DDAH1: variants seen among roughly 807,000 people sequenced by gnomAD.
DDAH1 encodes dimethylarginine dimethylaminohydrolase 1, also known as N(G),N(G)-dimethylarginine dimethylaminohydrolase 1.
In DDAH1, 19 loss-of-function variants were observed where a neutral mutation model predicts 28.8. That is an observed-to-expected ratio of 0.66 (90% confidence interval 0.46 to 0.97). The LOEUF is 0.97. DDAH1 is among the 50% of genes least tolerant of loss of function. The pLI is 0.00. For missense variants in DDAH1, 326 were observed against 375.9 expected (o/e 0.87, Z 1.10); for synonymous variants, 153 against 154.4 (o/e 0.99, Z 0.07).
chr1:85,438,566 A>G (rs1287413422), intron 1 of DDAH1, among the ~76,000 whole-genome samples: 1 of 152,232 alleles, frequency 6.6e-6, no homozygotes, highest in East Asian at 1.9e-4. Context: ...GTGCTGTTCA[A>G]GGGTCAACTG....
At chr1:85,461,116 A>G (rs1246129179) in intron 1 of DDAH1, among the ~76,000 whole-genome samples, 2 of 151,564 alleles carry the variant, frequency 1.3e-5, no homozygotes, top group African/African-American at 2.4e-5. Context: ...CCTGTCTCTA[A>G]AAACAAACAA....
chr1:85,453,267 C>A (rs1654745848), intron 1 of DDAH1, among the ~76,000 whole-genome samples: 1 of 152,148 alleles, frequency 6.6e-6, no homozygotes, highest in South Asian at 2.1e-4. Context: ...CAGTATTAAT[C>A]CTGCTTTTCT....
intron 1 of DDAH1, among the ~76,000 whole-genome samples, chr1:85,514,981 T>C (rs553302434): frequency 2.7e-5 from 4 of 146,422 alleles, no homozygotes. Context: ...AGGAATATCA[T>C]TGCTTCTATG....
intron 1 of DDAH1, among the ~76,000 whole-genome samples, chr1:85,446,399 T>C (rs542887240): frequency 6.6e-6 from 1 of 152,258 alleles, no homozygotes; most frequent in East Asian, 1.9e-4. Context: ...CGTGATTCAA[T>C]TACCTCTACC....
At chr1:85,531,692 A>C (rs571642410) in intron 1 of DDAH1, among the ~76,000 whole-genome samples, 67 of 147,798 alleles carry the variant, frequency 4.5e-4, no homozygotes, top group South Asian at 9.1e-4. Context: ...ATTAAATGAT[A>C]CCAGTTCCTA....
intron 1 of DDAH1, chr1:85,398,942 T>G (rs999468634): frequency 3.3e-5 from 5 of 152,186 alleles, no homozygotes; most frequent in Non-Finnish European, 7.3e-5. Flanking sequence ...TGCAACTGTT[T>G]GTTCAAATTG....
At chr1:85,414,376 A>G (rs1652790970) in intron 1 of DDAH1, among the ~76,000 whole-genome samples, 1 of 152,240 alleles carries the variant, frequency 6.6e-6, no homozygotes, top group African/African-American at 2.4e-5. Context: ...GGTCTTAAAC[A>G]TGAAAGGCAA....
intron 1 of DDAH1, among the ~76,000 whole-genome samples, chr1:85,366,334 T>C (rs1650074345): frequency 6.6e-6 from 1 of 152,210 alleles, no homozygotes; most frequent in Non-Finnish European, 1.5e-5. Context: ...GTTATAACTT[T>C]TACATGAATA....
chr1:85,445,329 C>T (rs895588470), intron 1 of DDAH1, among the ~76,000 whole-genome samples: 8 of 151,906 alleles, frequency 5.3e-5, no homozygotes, highest in African/African-American at 1.5e-4. Context: ...AACTAGGTTA[C>T]GAGGATGAAT....
intron 1 of DDAH1, among the ~76,000 whole-genome samples, chr1:85,524,955 C>A: frequency 1.4e-5 from 1 of 71,578 alleles, no homozygotes; most frequent in African/African-American, 3.6e-5. Context: ...GAATGGGCAC[C>A]TACGGAGAAA....
chr1:85,379,329 T>C (rs1048596690), intron 1 of DDAH1, among the ~76,000 whole-genome samples: 2 of 152,170 alleles, frequency 1.3e-5, no homozygotes, highest in Non-Finnish European at 2.9e-5. Flanking sequence ...CACTAAATGG[T>C]TGCAATAGCT....
At chr1:85,522,169 A>G (rs554084545) in intron 1 of DDAH1, among the ~76,000 whole-genome samples, 3 of 10,444 alleles carry the variant, frequency 2.9e-4, no homozygotes, top group African/African-American at 1.3e-3. Flanking sequence ...AAAGACTTTA[A>G]TTATTGGCAA....
chr1:85,362,755 ATAT>A lies in DDAH1; in HGVS notation c.304-3911_304-3909del, dbSNP rs550895297. On this transcript the variant is annotated intron_variant, in intron 1 of 5. Coordinates refer to ENST00000284031, the MANE Select transcript of DDAH1 (RefSeq NM_012137.4). The stretch of plus-strand genomic sequence containing the variant: ...TAAAACACCTAGCTCAGTGCCTGGC[ATAT>A]TGTGCTCAAAACTAGTAGTTGATGA... 4.9e-3 allele frequency among the ~76,000 whole-genome samples: 746 copies of A among 152,354 alleles called. 5 individuals are homozygous for A. The highest frequency in any genetic ancestry group is 8.4e-3 in the Non-Finnish European group (570 of 68,032).
intron 1 of DDAH1, among the ~76,000 whole-genome samples, chr1:85,511,921 C>G (rs867849387): frequency 3.9e-5 from 6 of 152,160 alleles, no homozygotes; most frequent in Non-Finnish European, 8.8e-5. Flanking sequence ...ACCAGAGGTA[C>G]AAAGAGGAGC....
At chr1:85,407,431 C>G (rs900070599) in intron 1 of DDAH1, among the ~76,000 whole-genome samples, 3 of 152,158 alleles carry the variant, frequency 2.0e-5, no homozygotes, top group Non-Finnish European at 4.4e-5. Flanking sequence ...GTACCCTGAC[C>G]TCTTTTAAAA....
chr1:85,439,306 G>A (rs1654084796), intron 1 of DDAH1, among the ~76,000 whole-genome samples: 1 of 152,214 alleles, frequency 6.6e-6, no homozygotes, highest in African/African-American at 2.4e-5. Context: ...AACTGTGGAA[G>A]CTAAAGAAAA....
At chr1:85,558,063 TA>T (rs113329343) in intron 1 of DDAH1, among the ~76,000 whole-genome samples, 58 of 144,310 alleles carry the variant, frequency 4.0e-4, no homozygotes, top group Admixed American at 6.2e-4. Flanking sequence ...TCCAAACCAG[TA>T]AAAAAAAAAA....
At chr1:85,415,449 C>G (rs761476300) in intron 1 of DDAH1, among the ~76,000 whole-genome samples, 5 of 152,138 alleles carry the variant, frequency 3.3e-5, no homozygotes, top group Non-Finnish European at 5.9e-5. Context: ...ATTTCTAGCA[C>G]GTGTAACCTA....
chr1:85,490,690 A>G (rs771707529), intron 2 of DDAH1, among the ~76,000 whole-genome samples: 6 of 152,152 alleles, frequency 3.9e-5, no homozygotes, highest in Non-Finnish European at 5.9e-5. Flanking sequence ...GCCTCTAGAC[A>G]CTCTCTTTAG....
Sources: allele counts gnomAD v4.1 joint callset (sites outside exome capture counted in the v4.1 genomes callset), GRCh38; gene constraint gnomAD v4.1.1; transcripts MANE v1.5; gene names NCBI Gene and HGNC (gene_info 2026-07-23, HGNC 2026-07-21).